The following ZNF385D variants were observed in gnomAD, a reference collection of about 807,000 sequenced individuals.
The protein encoded by ZNF385D is zinc finger protein 385D.
Under a neutral mutation model 35.8 loss-of-function variants are expected in ZNF385D, and 15 were observed. The observed-to-expected ratio is 0.42, with a 90% CI of 0.28 to 0.64. The LOEUF is 0.64. Among genes scored for constraint, ZNF385D ranks in the 30% least tolerant of loss-of-function variants. The pLI, the probability that ZNF385D is intolerant of heterozygous loss-of-function variation, is 0.23. For missense variants in ZNF385D, 474 were observed against 494.6 expected (o/e 0.96, Z 0.39); for synonymous variants, 212 against 186.8 (o/e 1.13, Z -1.10).
At chr3:22,290,560 G>A (rs1702249317) in intron 2 of ZNF385D, among the ~76,000 whole-genome samples, 2 of 152,138 alleles carry the variant, frequency 1.3e-5, no homozygotes, top group Non-Finnish European at 2.9e-5. Context: ...CAGGGCAGTG[G>A]CATTGTGCAG....
At chr3:21,671,260 C>G (rs2125283522) in intron 1 of ZNF385D, among the ~76,000 whole-genome samples, 1 of 152,130 alleles carries the variant, frequency 6.6e-6, no homozygotes, top group South Asian at 2.1e-4. Context: ...AATGGCCAGC[C>G]TGCAGGCTGC....
chr3:21,461,502 C>T (rs1263425664), intron 4 of ZNF385D, among the ~76,000 whole-genome samples: 3 of 152,076 alleles, frequency 2.0e-5, no homozygotes, highest in African/African-American at 4.8e-5. Context: ...GAGCCGAGCT[C>T]GTGCCACTGC....
intron 2 of ZNF385D, among the ~76,000 whole-genome samples, chr3:22,364,329 C>A (rs11129053): frequency 0.64 from 96,795 of 151,786 alleles, 31,334 homozygotes; most frequent in South Asian, 0.75. Context: ...TAACCACAGA[C>A]TGGGAGAAAA....
chr3:21,659,269 C>T (rs35390603), intron 2 of ZNF385D, among the ~76,000 whole-genome samples: 37,257 of 151,988 alleles, frequency 0.25, 5,657 homozygotes, highest in South Asian at 0.37. Context: ...CTTTCAAATG[C>T]AGTTATTTTA....
chr3:22,238,446 T>A lies in ZNF385D; in HGVS notation c.107-69411A>T, dbSNP rs551582757. On this transcript the variant is annotated intron_variant, in intron 2 of 5. Transcript: ENST00000494108. ...ATGTCAAATTTTCAGTCTACAAATA[T>A]GAAATGCCGTTCCACTTACTTAGGA... Among the ~76,000 whole-genome samples, 14 of 151,174 alleles carry A rather than the reference T, an allele frequency of 9.3e-5. No homozygotes were observed. The East Asian group carries it at 2.7e-3, about 30-fold the overall frequency.
chr3:22,147,458 C>G (rs1704935101), intron 3 of ZNF385D, among the ~76,000 whole-genome samples: 1 of 152,078 alleles, frequency 6.6e-6, no homozygotes, highest in African/African-American at 2.4e-5. Context: ...AAGAGATATT[C>G]TCTTTTGCTG....
At chr3:21,841,299 T>C (rs929565754) in intron 3 of ZNF385D, among the ~76,000 whole-genome samples, 1 of 152,056 alleles carries the variant, frequency 6.6e-6, no homozygotes, top group Non-Finnish European at 1.5e-5. Flanking sequence ...CTGATGGGTG[T>C]TCAGATTACT....
At chr3:22,177,932 G>A (rs773712588) in intron 2 of ZNF385D, among the ~76,000 whole-genome samples, 1 of 152,106 alleles carries the variant, frequency 6.6e-6, no homozygotes, top group South Asian at 2.1e-4. Flanking sequence ...TTTTATGGCT[G>A]TACAGTATTC....
intron 3 of ZNF385D, among the ~76,000 whole-genome samples, chr3:21,946,502 T>C (rs1000435356): frequency 6.6e-6 from 1 of 152,198 alleles, no homozygotes; most frequent in Non-Finnish European, 1.5e-5. Context: ...AATGTTCTTA[T>C]GAACTGATTT....
chr3:22,153,185 G>C (rs1705362025), intron 3 of ZNF385D, among the ~76,000 whole-genome samples: 1 of 152,004 alleles, frequency 6.6e-6, no homozygotes, highest in African/African-American at 2.4e-5. Flanking sequence ...TCTTGCTTTG[G>C]GAATGGTCCA....
chr3:21,842,698 A>G (rs1437665648), intron 3 of ZNF385D, among the ~76,000 whole-genome samples: 4 of 152,090 alleles, frequency 2.6e-5, no homozygotes, highest in Non-Finnish European at 5.9e-5. Context: ...TCATTCAGTG[A>G]TGCAGTCAAT....
chr3:22,355,693 C>T (rs980725819), intron 2 of ZNF385D, among the ~76,000 whole-genome samples: 4 of 151,812 alleles, frequency 2.6e-5, no homozygotes, highest in Non-Finnish European at 4.4e-5. Flanking sequence ...TAAAAATCAA[C>T]GTATCAGACA....
chr3:22,305,632 G>T (rs1703165158), intron 2 of ZNF385D, among the ~76,000 whole-genome samples: 1 of 152,092 alleles, frequency 6.6e-6, no homozygotes, highest in Admixed American at 6.6e-5. Flanking sequence ...AAGAACTTGT[G>T]CCCAGAGATG....
At chr3:21,844,516 T>C (rs3860587) in intron 3 of ZNF385D, among the ~76,000 whole-genome samples, 37,963 of 151,796 alleles carry the variant, frequency 0.25, 5,026 homozygotes, top group Admixed American at 0.3. Flanking sequence ...TAACATTCTC[T>C]GATTAGAAAA....
intron 3 of ZNF385D, among the ~76,000 whole-genome samples, chr3:21,853,189 G>A (rs897250582): frequency 1.3e-5 from 2 of 151,784 alleles, no homozygotes; most frequent in Non-Finnish European, 2.9e-5. Flanking sequence ...AGTGTGATTG[G>A]TGTTATATAT....
At chr3:22,159,446 G>A (rs74473618) in intron 3 of ZNF385D, among the ~76,000 whole-genome samples, 3,082 of 151,984 alleles carry the variant, frequency 0.02, 111 homozygotes, top group African/African-American at 0.07. Flanking sequence ...GACAGGAGTC[G>A]GTCTGGATTA....
chr3:21,901,323 G>C (rs1380792259), intron 3 of ZNF385D, among the ~76,000 whole-genome samples: 1 of 152,052 alleles, frequency 6.6e-6, no homozygotes, highest in Non-Finnish European at 1.5e-5. Flanking sequence ...GTTTACAGTT[G>C]AATCTTCATC....
At chr3:21,811,931 A>T (rs1418009653) in intron 3 of ZNF385D, among the ~76,000 whole-genome samples, 2 of 152,216 alleles carry the variant, frequency 1.3e-5, no homozygotes, top group African/African-American at 4.8e-5. Context: ...ACACACAAAT[A>T]GAGACAACAG....
chr3:22,116,750 C>T (rs1372132496), intron 3 of ZNF385D, among the ~76,000 whole-genome samples: 2 of 151,940 alleles, frequency 1.3e-5, no homozygotes, highest in Admixed American at 1.3e-4. Flanking sequence ...ACATTTATTC[C>T]ACAAAGCCTA....
Sources: gnomAD v4.1 joint callset for allele counts (sites outside exome capture counted in the v4.1 genomes callset) on GRCh38, gnomAD v4.1.1 for gene constraint, MANE v1.5 for transcripts, NCBI Gene and HGNC (gene_info 2026-07-23, HGNC 2026-07-21) for gene names.